The following ZNF44 variants were observed in gnomAD, a reference collection of about 807,000 sequenced individuals.
ZNF44 encodes zinc finger protein 44.
ZNF44 carries 9 observed loss-of-function variants against 11.7 expected under a neutral mutation model. The observed-to-expected ratio is 0.77, with a 90% CI of 0.46 to 1.35. The LOEUF (loss-of-function observed/expected upper bound fraction) is 1.35, where lower values mean the gene tolerates loss of function less well. Ranked by LOEUF, ZNF44 falls within the 40% of genes most tolerant of loss-of-function variation. ZNF44 has a pLI of 0.00. For synonymous variants in ZNF44, 224 were observed against 242.7 expected, an observed-to-expected ratio of 0.92 and a Z score of 0.72; for missense variants, 696 against 743.1, an observed-to-expected ratio of 0.94 and a Z score of 0.74.
intron 5 of ZNF44, chr19:12,260,036 C>A: frequency 4.1e-6 from 2 of 482,216 alleles, no homozygotes; most frequent in Non-Finnish European, 4.0e-6. Flanking sequence ...TCCACTCCCA[C>A]TCTTTACATT....
chr19:12,274,185 G>T, intron 3 of ZNF44, 122 bp from the exon 4 acceptor site: 1 of 752,188 alleles, frequency 1.3e-6, no homozygotes, highest in Non-Finnish European at 2.1e-6. Flanking sequence ...CTGCTTCAAT[G>T]TGAATGGACT....
At chr19:12,269,887 A>C (rs1028383452), downstream of ZNF44, among the ~76,000 whole-genome samples, 22 of 152,220 alleles carry the variant, frequency 1.4e-4, no homozygotes, top group Admixed American at 1.4e-3. Flanking sequence ...TTGTCCACAA[A>C]TAGATGTTGC....
chr19:12,270,358 A>G (rs1966910045), downstream of ZNF44, among the ~76,000 whole-genome samples: 1 of 152,014 alleles, frequency 6.6e-6, no homozygotes, highest in African/African-American at 2.4e-5. Flanking sequence ...GAAAAAGTGT[A>G]AGTGATGTTC....
At chr19:12,277,996 G>A (rs1456533212) in intron 1 of ZNF44, among the ~76,000 whole-genome samples, 1 of 152,212 alleles carries the variant, frequency 6.6e-6, no homozygotes, top group Non-Finnish European at 1.5e-5. Flanking sequence ...GCTCACACCT[G>A]TAATCCCAGT....
intron 2 of ZNF44, among the ~76,000 whole-genome samples, chr19:12,230,726 G>A (rs933621887): frequency 2.0e-5 from 3 of 152,126 alleles, no homozygotes; most frequent in South Asian, 2.1e-4. Flanking sequence ...AAAGAAACAC[G>A]AAATGCAGCT....
chr19:12,233,282 ACT>A (rs36119458), intron 2 of ZNF44, among the ~76,000 whole-genome samples: 25,858 of 151,664 alleles, frequency 0.17, 2,611 homozygotes, highest in African/African-American at 0.28. Context: ...ACCAATATAT[ACT>A]CTTAGTCTGT....
At chr19:12,290,725 A>G (rs999577994) in intron 1 of ZNF44, among the ~76,000 whole-genome samples, 2 of 144,680 alleles carry the variant, frequency 1.4e-5, no homozygotes, top group South Asian at 4.3e-4. Context: ...TAAATAAATA[A>G]AAATAAAAAT....
chr19:12,260,276 G>A (rs1917449426), intron 5 of ZNF44: 7 of 840,372 alleles, frequency 8.3e-6, no homozygotes, highest in Admixed American at 7.0e-5. Flanking sequence ...CTGTGGGCGT[G>A]GAGCCGGCAG....
intron 3 of ZNF44, 94 bp downstream of exon 3, chr19:12,274,879 G>A: frequency 3.6e-6 from 3 of 839,672 alleles, no homozygotes; most frequent in Non-Finnish European, 5.4e-6. Flanking sequence ...AATTTAAGCT[G>A]GGCTTGTTCA....
At chr19:12,244,906 C>T (rs981829041), downstream of ZNF44, among the ~76,000 whole-genome samples, 4 of 152,152 alleles carry the variant, frequency 2.6e-5, no homozygotes, top group African/African-American at 9.7e-5. Flanking sequence ...ATAAGAAGTC[C>T]TCTTGAGCAC....
At chr19:12,290,422 G>T (rs1474439282) in intron 1 of ZNF44, among the ~76,000 whole-genome samples, 1 of 145,346 alleles carries the variant, frequency 6.9e-6, no homozygotes, top group African/African-American at 2.5e-5. Flanking sequence ...CTCCTCCCAG[G>T]CCAGGCACAG....
At chr19:12,255,060 G>A (rs927954183) in intron 5 of ZNF44, among the ~76,000 whole-genome samples, 1 of 149,624 alleles carries the variant, frequency 6.7e-6, no homozygotes, top group Non-Finnish European at 1.5e-5. Flanking sequence ...CTGCACTCCA[G>A]CCTGGGTGAC....
At chr19:12,235,774 C>T (rs1916364868) in intron 1 of ZNF44, among the ~76,000 whole-genome samples, 1 of 152,094 alleles carries the variant, frequency 6.6e-6, no homozygotes, top group Non-Finnish European at 1.5e-5. Context: ...GAACCAGAGG[C>T]TGATATTCAC....
intron 1 of ZNF44, 146 bp from the exon 2 acceptor site, chr19:12,276,228 A>G (rs1967214251): frequency 1.6e-6 from 2 of 1,268,756 alleles, no homozygotes; most frequent in Non-Finnish European, 2.2e-6. Context: ...CTGTGTCTGC[A>G]CTCACTGTCT....
chr19:12,267,357 TCA>T (rs1917774704), downstream of ZNF44, among the ~76,000 whole-genome samples: 1 of 152,160 alleles, frequency 6.6e-6, no homozygotes. Flanking sequence ...CTACTCATTT[TCA>T]GCCAAAAAAT....
chr19:12,290,097 G>C (rs1181797544), intron 1 of ZNF44, among the ~76,000 whole-genome samples: 2 of 152,004 alleles, frequency 1.3e-5, no homozygotes, highest in African/African-American at 4.8e-5. Context: ...AGTATAAAAG[G>C]CTCTTTGGCT....
chr19:12,267,850 T>TTTTTTAA (rs1917789969), downstream of ZNF44, among the ~76,000 whole-genome samples: 2 of 141,144 alleles, frequency 1.4e-5, no homozygotes, highest in Admixed American at 7.0e-5. Context: ...TTTTTTTTAA[T>TTTTTTAA]TTTTGAGACA....
intron 3 of ZNF44, chr19:12,226,597 A>T (rs1915927857): frequency 1.3e-5 from 2 of 152,356 alleles, no homozygotes; most frequent in South Asian, 4.1e-4. Context: ...TTAAGAATAC[A>T]TACAGATAGT....
At chr19:12,229,650 G>A (rs1038357633) in intron 3 of ZNF44, among the ~76,000 whole-genome samples, 8 of 149,938 alleles carry the variant, frequency 5.3e-5, no homozygotes, top group Non-Finnish European at 1.2e-4. Flanking sequence ...GTCTTGCTCT[G>A]TCACCCAGGC....
Sources: gnomAD v4.1 joint callset for allele counts (sites outside exome capture counted in the v4.1 genomes callset) on GRCh38, gnomAD v4.1.1 for gene constraint, MANE v1.5 for transcripts, NCBI Gene and HGNC (gene_info 2026-07-23, HGNC 2026-07-21) for gene names.